The following PUM2 variants were observed in gnomAD, a reference collection of about 807,000 sequenced individuals.
PUM2 encodes pumilio RNA binding family member 2, also known as pumilio homolog 2.
A neutral mutation model predicts 124.5 loss-of-function variants in PUM2; 57 were observed. The ratio of observed to expected loss-of-function variants is 0.46; its 90% CI spans 0.37 to 0.57. The LOEUF is 0.57. Among genes scored for constraint, PUM2 ranks in the 20% least tolerant of loss-of-function variants. The pLI, the probability that PUM2 is intolerant of heterozygous loss-of-function variation, is 0.00. For missense variants in PUM2, 1,065 were observed against 1,290.6 expected (o/e 0.83, Z 2.68); for synonymous variants, 460 against 446.1 (o/e 1.03, Z -0.39).
At chr2:20,279,298 T>C (rs907362070) in intron 12 of PUM2, among the ~76,000 whole-genome samples, 3 of 152,212 alleles carry the variant, frequency 2.0e-5, no homozygotes, top group African/African-American at 2.4e-5. Context: ...ATTTGTCATC[T>C]AGCTGTGTTC....
chr2:20,334,410 T>A (rs1314137350), intron 1 of PUM2, among the ~76,000 whole-genome samples: 1 of 152,196 alleles, frequency 6.6e-6, no homozygotes, highest in South Asian at 2.1e-4. Context: ...GGAAAGCATT[T>A]GGAGATACAA....
chr2:20,263,275 T>C lies in PUM2; in HGVS notation c.2143A>G (p.Arg715Gly). 1.2e-6 allele frequency: 2 copies of C among 1,613,082 alleles called. No homozygotes were observed. Among genetic ancestry groups the C allele is most frequent in the Non-Finnish European group, 1.7e-6 (2 of 1,178,980 alleles). ...SGRSRLLEDF[R>G]NNRFPNLQLR... is the part of the protein sequence containing the mutation. ...TGAAGGTTTGGGAAGCGGTTGTTTC[T>C]GAAATCTTCCAATAATCTACTGCGG... is the stretch of plus-strand genomic sequence containing the variant. The change falls in exon 14 of 21, where the codon AGA becomes GGA. Residue 715 changes from arginine to glycine, a missense_variant. Coordinates refer to ENST00000361078, the MANE Select transcript of PUM2 (RefSeq NM_015317.5).
At chr2:20,344,694 A>T (rs558930097) in intron 1 of PUM2, among the ~76,000 whole-genome samples, 5 of 152,182 alleles carry the variant, frequency 3.3e-5, no homozygotes, top group African/African-American at 1.2e-4. Context: ...ACATTTTAAG[A>T]TTCCGCAGCT....
At chr2:20,341,362 CAAT>C (rs1335701809) in intron 1 of PUM2, among the ~76,000 whole-genome samples, 6 of 151,918 alleles carry the variant, frequency 3.9e-5, no homozygotes, top group African/African-American at 7.3e-5. Context: ...AAAGTTAAAA[CAAT>C]GAGCCAGTAC....
rs1663006001 is a variant in PUM2, at chr2:20,250,316, G to A, written c.*1269C>T. 1 of 152,522 alleles carries A rather than the reference G, an allele frequency of 6.6e-6. No homozygotes were observed. The allele number at this position is 152,522 out of a possible 1,614,324, so 9.4% of individuals were successfully genotyped here. ...AAAAAATTTTTAAAAAATCACTCTC[G>A]ATTTGGAGAAATAAATTTACATTAT... is the stretch of plus-strand genomic sequence containing the variant. On this transcript the variant is annotated 3_prime_UTR_variant, in exon 21 of 21. Coordinates refer to ENST00000361078, the MANE Select transcript of PUM2 (RefSeq NM_015317.5).
Position 20,308,531 on chromosome 2 carries a change from C to A in PUM2, c.572G>T (p.Gly191Val), listed in dbSNP as rs898971990. Residue 191 changes from glycine (G) to valine (V), a missense_variant, in exon 6 of 21, where the codon GGC becomes GTC. Gly to Val is a moderately radical substitution (Grantham distance 109). Transcript: ENST00000361078. ...TCCTTCTGAGGGATTAGTATTGGGG[C>A]CCAAGCGCTCAACTACTTCAGTTGG... ...ASPTEVVERL[G>V]PNTNPSEGLG... is the part of the protein sequence containing the mutation. 1 of 1,614,012 alleles carries A rather than the reference C, an allele frequency of 6.2e-7. No individual in the cohort carries two copies. Among genetic ancestry groups the A allele is most frequent in the Non-Finnish European group, 8.5e-7 (1 of 1,179,906 alleles).
intron 13 of PUM2, among the ~76,000 whole-genome samples, chr2:20,278,317 C>T (rs1670710939): frequency 6.6e-6 from 1 of 151,746 alleles, no homozygotes; most frequent in Admixed American, 6.6e-5. Context: ...ACACACAAAT[C>T]AAAAGCACAG....
rs1012809348 is a variant in PUM2 at position 20,258,329 on chromosome 2, G to T, written c.2398C>A (p.Arg800Ser). 3 of 1,612,056 alleles carry T rather than the reference G, an allele frequency of 1.9e-6. No individual in the cohort carries two copies. The African/African-American group carries it at 4.0e-5, about 22-fold the overall frequency. The change falls in exon 16 of 21, where the codon CGT (arginine) becomes AGT (serine). Residue 800 changes from arginine to serine, a missense_variant. Coordinates refer to ENST00000361078, the MANE Select transcript of PUM2 (RefSeq NM_015317.5). ...DQKLALATRIRGHVLPLALQM... is the reference protein window; with the variant it reads ...DQKLALATRISGHVLPLALQM... ...AAGGCTAAGGGTAGAACATGACCAC[G>T]AATACGAGTAGCCAGGGCTAATTTT...
Position 20,350,590 on chromosome 2 carries a change from G to A in PUM2, c.-19+7C>T. On this transcript the variant is annotated splice_region_variant and intron_variant, in intron 1 of 20. Transcript: ENST00000361078. ...ACCGGAGAAAGAGCGAACGCGGACTGACTTACAGGGCTGCTGCGGCCGCGC... is the reference window on the plus strand; with the variant it reads ...ACCGGAGAAAGAGCGAACGCGGACTAACTTACAGGGCTGCTGCGGCCGCGC... 1.0e-6 allele frequency: 1 copy of A among 985,510 alleles called. No homozygotes were observed. Among genetic ancestry groups the A allele is most frequent in the Non-Finnish European group, 1.2e-6 (1 of 829,990 alleles). 61.0% of individuals were successfully genotyped at this position (985,510 alleles called of 1,614,324 possible).
chr2:20,255,720 C>A (rs553447501), intron 17 of PUM2, among the ~76,000 whole-genome samples: 15 of 152,254 alleles, frequency 9.9e-5, no homozygotes, highest in African/African-American at 3.4e-4. Context: ...AGTCTTATGT[C>A]TTTCTCCAAA....
chr2:20,265,512 A>G (rs1667446778), intron 13 of PUM2, among the ~76,000 whole-genome samples: 2 of 152,224 alleles, frequency 1.3e-5, no homozygotes, highest in Admixed American at 1.3e-4. Flanking sequence ...TCCTTATCAC[A>G]TCTGCACAGC....
intron 9 of PUM2, among the ~76,000 whole-genome samples, chr2:20,291,824 T>C (rs142297860): frequency 7.7e-4 from 117 of 152,284 alleles, no homozygotes; most frequent in African/African-American, 2.4e-3. Context: ...GAAAGGGCAT[T>C]GTTTGTCGCC....
At chr2:20,351,257 C>G (rs1168756371), upstream of PUM2, among the ~76,000 whole-genome samples, 1 of 152,270 alleles carries the variant, frequency 6.6e-6, no homozygotes, top group Admixed American at 6.5e-5. Context: ...GTGGGGTACT[C>G]CTGGCATTTC....
At chr2:20,350,877 C>G (rs1383591477), upstream of PUM2, 1 of 805,104 alleles carries the variant, frequency 1.2e-6, no homozygotes, top group South Asian at 5.7e-5. Flanking sequence ...GCAGTGCACC[C>G]CGGGAGAAAG....
At chr2:20,287,542 G>T (rs994775828) in intron 10 of PUM2, among the ~76,000 whole-genome samples, 1 of 152,196 alleles carries the variant, frequency 6.6e-6, no homozygotes, top group African/African-American at 2.4e-5. Context: ...TAGAGGCATA[G>T]AAGTGCATGG....
chr2:20,334,775 CACA>C (rs1178493209), intron 1 of PUM2, among the ~76,000 whole-genome samples: 2 of 152,182 alleles, frequency 1.3e-5, no homozygotes, highest in Admixed American at 6.5e-5. Context: ...TGCAACTTCA[CACA>C]GGCACTACTT....
intron 5 of PUM2, among the ~76,000 whole-genome samples, chr2:20,310,422 G>A (rs1477930578): frequency 2.0e-5 from 3 of 151,960 alleles, no homozygotes. Context: ...ATAGTTAATG[G>A]TGTATTAACA....
chr2:20,351,893 C>T (rs1332646253), upstream of PUM2, among the ~76,000 whole-genome samples: 4 of 152,200 alleles, frequency 2.6e-5, no homozygotes, highest in Admixed American at 6.5e-5. Context: ...CACATGGGCT[C>T]TTCGGTTTTT....
At chr2:20,283,512 G>A (rs763113502) in intron 10 of PUM2, 26 bp from the exon 11 acceptor site, 4 of 1,575,618 alleles carry the variant, frequency 2.5e-6, no homozygotes, top group Admixed American at 3.7e-5. Context: ...GTTTACTAAT[G>A]AAAGCACTTA....
Sources: gnomAD v4.1 joint callset for allele counts (sites outside exome capture counted in the v4.1 genomes callset) on GRCh38, gnomAD v4.1.1 for gene constraint, MANE v1.5 for transcripts, NCBI Gene and HGNC (gene_info 2026-07-23, HGNC 2026-07-21) for gene names.